The following YLPM1 variants were observed in gnomAD, a reference collection of about 807,000 sequenced individuals.
YLPM1 encodes YLP motif-containing protein 1.
Under a neutral mutation model 230.0 loss-of-function variants are expected in YLPM1, and 99 were observed. The observed-to-expected ratio is 0.43, with a 90% CI of 0.37 to 0.51. The LOEUF (loss-of-function observed/expected upper bound fraction) is 0.51. Among genes scored for constraint, YLPM1 ranks in the 20% least tolerant of loss-of-function variants. The probability of loss-of-function intolerance (pLI) is 0.00; values close to 1 mark genes in which losing one functional copy is unlikely to be tolerated. For missense variants in YLPM1, 2,592 were observed against 2,707.7 expected (o/e 0.96, Z 0.95); for synonymous variants, 984 against 942.5 (o/e 1.04, Z -0.81).
chr14:74,817,146 A>G (rs889937620), intron 14 of YLPM1, 39 bp downstream of exon 14: 4 of 1,596,574 alleles, frequency 2.5e-6, no homozygotes, highest in Admixed American at 1.8e-5. Context: ...TTGTGTTGTC[A>G]TGTAAATGTT....
intron 1 of YLPM1, among the ~76,000 whole-genome samples, chr14:74,768,544 G>C (rs1272044115): frequency 6.6e-6 from 1 of 152,312 alleles, no homozygotes; most frequent in East Asian, 1.9e-4. Flanking sequence ...ACTGCGCCCG[G>C]TCGGAATGTG....
intron 4 of YLPM1, among the ~76,000 whole-genome samples, chr14:74,792,742 A>G (rs551021885): frequency 6.6e-6 from 1 of 152,184 alleles, no homozygotes; most frequent in East Asian, 1.9e-4. Flanking sequence ...TTCTTCCTCA[A>G]CACTCTGCCA....
At position 74,811,745 on chromosome 14, in the gene YLPM1, T is replaced by C. The variant is rs143801540; in HGVS notation, c.5347+7T>C. Reference sequence around the variant, plus strand: ...GGACCATCCATGTTTGGAGGTAGAGTGATGCCTTATTAACTACAAGGATGT... The same window carrying C: ...GGACCATCCATGTTTGGAGGTAGAGCGATGCCTTATTAACTACAAGGATGT... On this transcript the variant is annotated splice_region_variant and intron_variant, in intron 10 of 20. Transcript: ENST00000325680. 1.9e-6 allele frequency: 3 copies of C among 1,551,258 alleles called. No individual in the cohort carries two copies. The highest frequency in any genetic ancestry group is 1.4e-5 in the African/African-American group (1 of 72,130).
chr14:74,830,530 C>T (rs536384310), intron 19 of YLPM1, among the ~76,000 whole-genome samples: 1 of 152,124 alleles, frequency 6.6e-6, no homozygotes, highest in South Asian at 2.1e-4. Context: ...TTTGGTTGTA[C>T]AATCAGTTAT....
In YLPM1 at chr14:74,778,427, A is replaced by C. The variant is rs2091062563; in HGVS notation, c.874-20A>C. On this transcript the variant is annotated intron_variant, in intron 1 of 20. Transcript: ENST00000325680. ...TACATGATTGTCAATCAAAATTCTC[A>C]AAAATTGTTTCTGTTGTAGGAACAG... 2 of 1,568,486 alleles carry C rather than the reference A, an allele frequency of 1.3e-6. No individual in the cohort carries two copies. The highest frequency in any genetic ancestry group is 4.6e-5 in the East Asian group (2 of 43,036).
chr14:74,803,986 C>A (rs36047602), intron 6 of YLPM1, among the ~76,000 whole-genome samples: 34 of 151,900 alleles, frequency 2.2e-4, no homozygotes, highest in African/African-American at 8.0e-4. Flanking sequence ...GGAGAAACCC[C>A]GTCTCTACTA....
chr14:74,813,036 G>C (rs116367597), intron 11 of YLPM1, among the ~76,000 whole-genome samples: 1 of 152,150 alleles, frequency 6.6e-6, no homozygotes, highest in African/African-American at 2.4e-5. Context: ...AATTAATTGC[G>C]CGTTGAAGAG....
chr14:74,779,807 C>A (rs1339916750), intron 2 of YLPM1, among the ~76,000 whole-genome samples: 1 of 146,956 alleles, frequency 6.8e-6, no homozygotes, highest in Non-Finnish European at 1.5e-5. Context: ...CCCCTCCCCT[C>A]CTTTTTTTTT....
At chr14:74,835,080 C>G in intron 19 of YLPM1, 185 bp from the exon 20 acceptor site, 1 of 681,842 alleles carries the variant, frequency 1.5e-6, no homozygotes, top group Non-Finnish European at 2.4e-6. Context: ...CTTGGATTGT[C>G]CAGAGAGTTT....
intron 6 of YLPM1, among the ~76,000 whole-genome samples, chr14:74,804,451 C>G (rs945964910): frequency 2.6e-5 from 4 of 152,202 alleles, no homozygotes. Context: ...TTCATTTTCC[C>G]TCCACATAGA....
intron 1 of YLPM1, among the ~76,000 whole-genome samples, chr14:74,767,101 CTT>C (rs557322547): frequency 2.0e-3 from 309 of 152,070 alleles, no homozygotes; most frequent in Non-Finnish European, 3.5e-3. Context: ...TCAGGCTGGT[CTT>C]GAACTCCTGA....
chr14:74,817,246 T>C lies in YLPM1; in HGVS notation c.5915T>C (p.Ile1972Thr), dbSNP rs1040970134. ...ADNQTCGKRN[I>T]HGRKLKEINK... ...AACCAGACTTGTGGCAAGAGAAATA[T>C]TCATGGAAGAAAGCTTAAAGAAATA... The change falls in exon 15 of 21, where the codon ATT becomes ACT. Residue 1972 changes from isoleucine to threonine, a missense_variant. This residue lies in a region of YLPM1 where 315 missense variants were observed against 429.3 expected (regional missense o/e 0.73). Coordinates refer to ENST00000325680, the MANE Select transcript of YLPM1 (RefSeq NM_019589.3). 8 of 1,597,554 alleles carry C rather than the reference T, an allele frequency of 5.0e-6. No individual in the cohort carries two copies. In the African/African-American group the frequency reaches 5.4e-5, roughly 11 times the overall value.
intron 1 of YLPM1, among the ~76,000 whole-genome samples, chr14:74,768,337 C>G (rs954853169): frequency 2.0e-5 from 3 of 152,126 alleles, no homozygotes; most frequent in African/African-American, 4.8e-5. Context: ...GCAACTTCCA[C>G]TTCCTGGGTT....
rs955933735 is a variant in YLPM1 at position 74,763,347 on chromosome 14, C to T, written c.-143C>T. 5 of 1,047,032 alleles carry T rather than the reference C, an allele frequency of 4.8e-6. No homozygotes were observed. The highest frequency in any genetic ancestry group is 3.3e-5 in the African/African-American group (2 of 60,244). 64.9% of individuals were successfully genotyped at this position (1,047,032 alleles called of 1,614,324 possible). A position where few individuals can be genotyped will look rare whatever the true frequency, so the allele number is the denominator to read the frequency against. On this transcript the variant is annotated 5_prime_UTR_variant, in exon 1 of 21. Coordinates refer to ENST00000325680, the MANE Select transcript of YLPM1 (RefSeq NM_019589.3). Reference sequence around the variant, plus strand: ...GGTCGCGGGCCCAGCTCGGGAGCGCCGGCGCACTGGCGCGCTCCGTTTACA... The same window carrying T: ...GGTCGCGGGCCCAGCTCGGGAGCGCTGGCGCACTGGCGCGCTCCGTTTACA...
rs77931842 is a variant in YLPM1 at position 74,793,448 on chromosome 14, G to A, written c.2283-4132G>A. Among the ~76,000 whole-genome samples the A allele has an allele frequency of 6.3e-3, 964 of 152,010 alleles. 9 individuals are homozygous for A. Among genetic ancestry groups the A allele is most frequent in the South Asian group, 0.029 (140 of 4,812 alleles). On this transcript the variant is annotated intron_variant, in intron 4 of 20. Transcript: ENST00000325680. ...TTTTTTTTTCTGTGGTTCTTCTGGC[G>A]TTGATCTTTTTTATAAATAGCACAT... is the stretch of plus-strand genomic sequence containing the variant.
intron 1 of YLPM1, among the ~76,000 whole-genome samples, chr14:74,772,646 C>T (rs533488265): frequency 2.6e-5 from 4 of 152,222 alleles, no homozygotes; most frequent in Admixed American, 1.3e-4. Context: ...TGTGAGCCAC[C>T]GCACCCAGCC....
rs764989110 is a variant in YLPM1, at chr14:74,799,428, A to G, written c.4131A>G (p.Pro1377=). 7.4e-6 allele frequency: 12 copies of G among 1,613,928 alleles called. No individual in the cohort carries two copies. Among genetic ancestry groups the G allele is most frequent in the Non-Finnish European group, 9.3e-6 (11 of 1,179,906 alleles). ...DRGELRIREY[P]ERGDTWREKR... is the part of the protein sequence containing the mutation. Reference sequence around the variant, plus strand: ...GTGAGTTGAGGATTCGAGAGTATCCAGAAAGAGGAGATACATGGCGGGAAA... The same window carrying G: ...GTGAGTTGAGGATTCGAGAGTATCCGGAAAGAGGAGATACATGGCGGGAAA... Residue 1377 remains proline, a synonymous_variant, in exon 5 of 21, where the codon CCA becomes CCG. Transcript: ENST00000325680.
At chr14:74,830,868 C>T (rs552169906) in intron 19 of YLPM1, among the ~76,000 whole-genome samples, 22 of 152,264 alleles carry the variant, frequency 1.4e-4, no homozygotes, top group African/African-American at 5.1e-4. Flanking sequence ...GGATCCTCCT[C>T]CATGACCCAA....
intron 1 of YLPM1, among the ~76,000 whole-genome samples, chr14:74,766,416 C>T (rs1160031036): frequency 6.6e-6 from 1 of 152,036 alleles, no homozygotes; most frequent in Non-Finnish European, 1.5e-5. Flanking sequence ...CATACATACC[C>T]ATCATTGAGA....
Sources: gnomAD v4.1 joint callset for allele counts (sites outside exome capture counted in the v4.1 genomes callset) on GRCh38, gnomAD v4.1.1 for gene constraint, gnomAD v4.1.1 regional missense constraint, MANE v1.5 for transcripts, NCBI Gene and HGNC (gene_info 2026-07-23, HGNC 2026-07-21) for gene names.